The following MICAL3 variants were observed in gnomAD, a reference collection of about 807,000 sequenced individuals.
MICAL3 encodes microtubule associated monooxygenase, calponin and LIM domain containing 3.
In MICAL3, 62 loss-of-function variants were observed where a neutral mutation model predicts 207.4. The observed-to-expected ratio is 0.30, with a 90% CI of 0.24 to 0.37. The LOEUF (loss-of-function observed/expected upper bound fraction) is 0.37, where lower values mean the gene tolerates loss of function less well. Among genes scored for constraint, MICAL3 ranks in the 10% least tolerant of loss-of-function variants. The probability of loss-of-function intolerance (pLI) is 1.00; values close to 1 mark genes in which losing one functional copy is unlikely to be tolerated. For synonymous variants in MICAL3, 1,077 were observed against 1,069.3 expected, an observed-to-expected ratio of 1.01 and a Z score of -0.14; for missense variants, 2,368 against 2,635.6, an observed-to-expected ratio of 0.90 and a Z score of 2.22.
At chr22:17,958,392 GT>G (rs1378627994) in intron 1 of MICAL3, among the ~76,000 whole-genome samples, 1 of 152,204 alleles carries the variant, frequency 6.6e-6, no homozygotes, top group Non-Finnish European at 1.5e-5. Flanking sequence ...GCCAGAGGCA[GT>G]TACGGAAGAA....
At chr22:18,019,143 G>C (rs1031053219) in intron 1 of MICAL3, 1 of 151,912 alleles carries the variant, frequency 6.6e-6, no homozygotes, top group African/African-American at 2.4e-5. Context: ...AGTGAGCTGA[G>C]ATCACAACAC....
chr22:18,002,210 A>G (rs561208335), intron 1 of MICAL3, among the ~76,000 whole-genome samples: 1 of 151,652 alleles, frequency 6.6e-6, no homozygotes, highest in South Asian at 2.1e-4. Flanking sequence ...GAAAGAAAAA[A>G]TAATAATAAA....
intron 29 of MICAL3, among the ~76,000 whole-genome samples, chr22:17,804,818 C>A (rs1386215197): frequency 6.6e-6 from 1 of 152,208 alleles, no homozygotes; most frequent in East Asian, 1.9e-4. Context: ...AGTGACACAG[C>A]AGACACAGTG....
At chr22:18,020,798 C>T (rs1346088718) in intron 1 of MICAL3, among the ~76,000 whole-genome samples, 1 of 151,596 alleles carries the variant, frequency 6.6e-6, no homozygotes, top group Non-Finnish European at 1.5e-5. Flanking sequence ...CCTGTGGTCC[C>T]AGCTACTTGG....
chr22:17,892,684 T>C (rs4395337), intron 11 of MICAL3, among the ~76,000 whole-genome samples: 9,346 of 152,254 alleles, frequency 0.061, 382 homozygotes, highest in African/African-American at 0.12. Context: ...AAACAGTGAA[T>C]AAAGATACAC....
chr22:17,882,143 G>T (rs1474082122), intron 16 of MICAL3, among the ~76,000 whole-genome samples: 1 of 152,180 alleles, frequency 6.6e-6, no homozygotes, highest in Non-Finnish European at 1.5e-5. Context: ...ACTAGGGCTG[G>T]TTAATGCACA....
rs1569136508 is a variant in MICAL3 at position 17,929,574 on chromosome 22, T to TC, written c.-74-22689_-74-22688insG. ...CTTTCTTTCCTTTTCTTTTCTTTTT[T>TC]TTTTTTTTTTTTTGACAGGGTCTTG... On this transcript the variant is annotated intron_variant, in intron 1 of 31. Transcript: ENST00000441493. Among the ~76,000 whole-genome samples, 943 of 136,078 alleles carry TC rather than the reference T, an allele frequency of 6.9e-3. 8 individuals carry two copies. The highest frequency in any genetic ancestry group is 0.026 in the African/African-American group (913 of 34,634). The allele number at this position is 136,078 out of a possible 152,430, so 89.3% of individuals were successfully genotyped here. A position where few individuals can be genotyped will look rare whatever the true frequency, so the allele number is the denominator to read the frequency against.
intron 1 of MICAL3, among the ~76,000 whole-genome samples, chr22:17,907,585 G>A (rs986947608): frequency 1.3e-5 from 2 of 152,136 alleles, no homozygotes; most frequent in African/African-American, 4.8e-5. Context: ...GCTGGCACAC[G>A]GGCAGTAGCT....
chr22:17,897,108 T>A, intron 7 of MICAL3, 127 bp from the exon 8 acceptor site: 1 of 976,504 alleles, frequency 1.0e-6, no homozygotes, highest in Non-Finnish European at 1.5e-6. Context: ...AAACCAAAAC[T>A]TTTATACCAT....
intron 1 of MICAL3, chr22:18,005,293 A>C (rs1923314840): frequency 6.6e-6 from 1 of 152,152 alleles, no homozygotes; most frequent in African/African-American, 2.4e-5. Flanking sequence ...TTTCAGTCTC[A>C]AAACAGTCAT....
intron 19 of MICAL3, among the ~76,000 whole-genome samples, chr22:17,844,717 A>T (rs1924451009): frequency 6.6e-6 from 1 of 152,070 alleles, no homozygotes; most frequent in African/African-American, 2.4e-5. Flanking sequence ...TTGCTGGGGG[A>T]CCTTTTTAAA....
intron 27 of MICAL3, among the ~76,000 whole-genome samples, chr22:17,815,945 C>T (rs77002805): frequency 0.025 from 3,874 of 152,306 alleles, 158 homozygotes; most frequent in African/African-American, 0.089. Flanking sequence ...GCTACATTCT[C>T]GGGAAGCTTT....
chr22:17,868,759 G>GTTCA (rs1216864749), intron 17 of MICAL3, among the ~76,000 whole-genome samples: 1 of 152,114 alleles, frequency 6.6e-6, no homozygotes, highest in Admixed American at 6.5e-5. Flanking sequence ...CAAGTGGGCC[G>GTTCA]TTCATTCATT....
chr22:17,986,965 G>T (rs1295872993), intron 1 of MICAL3, among the ~76,000 whole-genome samples: 1 of 152,066 alleles, frequency 6.6e-6, no homozygotes, highest in Non-Finnish European at 1.5e-5. Context: ...TTCGACTGGC[G>T]TGGTGGCTCA....
intron 30 of MICAL3, 60 bp from the exon 31 acceptor site, chr22:17,791,131 C>T (rs1601904996): frequency 6.2e-6 from 10 of 1,604,414 alleles, no homozygotes; most frequent in Non-Finnish European, 8.5e-6. Context: ...CCCTCACCCC[C>T]AAATCTGGAA....
At chr22:17,905,782 C>T (rs1285211137) in intron 2 of MICAL3, among the ~76,000 whole-genome samples, 4 of 152,194 alleles carry the variant, frequency 2.6e-5, no homozygotes, top group Non-Finnish European at 4.4e-5. Flanking sequence ...TCCGCTTCCT[C>T]GCACCTACCC....
At chr22:17,990,732 A>C (rs1342330930) in intron 1 of MICAL3, among the ~76,000 whole-genome samples, 1 of 152,174 alleles carries the variant, frequency 6.6e-6, no homozygotes, top group Non-Finnish European at 1.5e-5. Context: ...ACTGCGCCTC[A>C]TCTTTCAAGT....
chr22:17,856,838 G>A (rs1925966515), intron 19 of MICAL3, among the ~76,000 whole-genome samples: 1 of 151,808 alleles, frequency 6.6e-6, no homozygotes, highest in African/African-American at 2.4e-5. Context: ...AGCCAGGATG[G>A]TCTCGATCTC....
At chr22:17,864,851 G>C (rs1444375731) in intron 19 of MICAL3, 48 bp downstream of exon 19, 7 of 1,613,796 alleles carry the variant, frequency 4.3e-6, no homozygotes, top group Non-Finnish European at 5.9e-6. Context: ...TTGTCACAGA[G>C]GCCGAGGGAG....
Sources: gnomAD v4.1 joint callset for allele counts (sites outside exome capture counted in the v4.1 genomes callset) on GRCh38, gnomAD v4.1.1 for gene constraint, MANE v1.5 for transcripts, NCBI Gene and HGNC (gene_info 2026-07-23, HGNC 2026-07-21) for gene names.